NAV3: variants seen among roughly 807,000 people sequenced by gnomAD.
The protein encoded by NAV3 is neuron navigator 3.
Under a neutral mutation model 244.7 loss-of-function variants are expected in NAV3, and 87 were observed. The observed-to-expected ratio is 0.36, with a 90% confidence interval of 0.30 to 0.42. The LOEUF is 0.42. NAV3 is among the 20% of genes least tolerant of loss of function. The pLI, the probability that NAV3 is intolerant of heterozygous loss-of-function variation, is 1.00. For missense variants in NAV3, 2,663 were observed against 2,893.3 expected, an observed-to-expected ratio of 0.92 and a Z score of 1.83; for synonymous variants, 1,126 against 1,042.2, an observed-to-expected ratio of 1.08 and a Z score of -1.55.
At chr12:77,965,212 G>A (rs973629886) in intron 3 of NAV3, among the ~76,000 whole-genome samples, 5 of 152,138 alleles carry the variant, frequency 3.3e-5, no homozygotes, top group Admixed American at 6.5e-5. Flanking sequence ...ATGCTCTTAC[G>A]AATCTTAGCT....
chr12:78,051,209 T>C (rs2137267928), intron 11 of NAV3, 62 bp downstream of exon 11: 2 of 1,522,904 alleles, frequency 1.3e-6, no homozygotes, highest in Non-Finnish European at 1.8e-6. Context: ...CTATAATGCA[T>C]TCACTATAAA....
At chr12:78,202,679 T>C (rs1216974062) in intron 38 of NAV3, among the ~76,000 whole-genome samples, 3 of 151,992 alleles carry the variant, frequency 2.0e-5, no homozygotes, top group Non-Finnish European at 4.4e-5. Flanking sequence ...AGTAGGTTAG[T>C]GTGAAAGATG....
intron 2 of NAV3, among the ~76,000 whole-genome samples, chr12:77,583,163 T>A (rs1370222220): frequency 6.6e-6 from 1 of 152,348 alleles, no homozygotes; most frequent in East Asian, 1.9e-4. Flanking sequence ...CCAAACCACA[T>A]CAATAATTCT....
intron 8 of NAV3, among the ~76,000 whole-genome samples, chr12:78,011,430 AACATAC>A (rs1231437579): frequency 6.6e-6 from 1 of 152,192 alleles, no homozygotes; most frequent in Non-Finnish European, 1.5e-5. Context: ...AAGTGTATGC[AACATAC>A]ACAATTAATG....
chr12:78,039,599 C>G (rs1310564740), intron 9 of NAV3, among the ~76,000 whole-genome samples: 1 of 152,040 alleles, frequency 6.6e-6, no homozygotes. Context: ...GGGCATAATT[C>G]TCTGAGAATA....
chr12:77,661,169 T>C lies in NAV3; in HGVS notation c.72+88903T>C, dbSNP rs904973563. On this transcript the variant is annotated intron_variant, in intron 2 of 8. Transcript: ENST00000550042. The stretch of plus-strand genomic sequence containing the variant: ...TTTTGAATAACTGGAAAACTGTTTT[T>C]CATTGTGGACGTACCGTTTTACATT... Among the ~76,000 whole-genome samples, 3 of 152,196 alleles carry C rather than the reference T, an allele frequency of 2.0e-5. 1 individual carries two copies. The highest frequency in any genetic ancestry group is 2.0e-4 in the Admixed American group (3 of 15,274).
intron 1 of NAV3, among the ~76,000 whole-genome samples, chr12:77,871,102 G>C (rs1032652059): frequency 6.6e-6 from 1 of 152,060 alleles, no homozygotes; most frequent in African/African-American, 2.4e-5. Flanking sequence ...ATTTACAAGG[G>C]AACATGTCTG....
intron 2 of NAV3, among the ~76,000 whole-genome samples, chr12:77,688,358 CT>C (rs1874854749): frequency 6.6e-6 from 1 of 152,002 alleles, no homozygotes; most frequent in Non-Finnish European, 1.5e-5. Context: ...ACATTCTACC[CT>C]ATGCCACTTC....
rs1443669363 is a variant in NAV3, at chr12:77,628,853, CACTGCAGT to C, written c.72+56588_72+56595del. On this transcript the variant is annotated intron_variant, in intron 2 of 8. Transcript: ENST00000550042. ...CAGCAGTGAGCCATGATCTCATCAC[CACTGCAGT>C]CCACAGTCCAGCCTGGGCGATGGGA... Among the ~76,000 whole-genome samples, 136 of 150,270 alleles carry C rather than the reference CACTGCAGT, an allele frequency of 9.1e-4. 1 individual carries two copies. The highest frequency in any genetic ancestry group is 7.0e-3 in the Middle Eastern group (2 of 286).
At chr12:77,962,007 T>C (rs1196449779) in intron 3 of NAV3, among the ~76,000 whole-genome samples, 1 of 152,154 alleles carries the variant, frequency 6.6e-6, no homozygotes, top group African/African-American at 2.4e-5. Context: ...AGTCAACTCT[T>C]AGCTCTTGTC....
At chr12:77,854,403 A>G (rs1168133290) in intron 1 of NAV3, among the ~76,000 whole-genome samples, 1 of 152,214 alleles carries the variant, frequency 6.6e-6, no homozygotes, top group Non-Finnish European at 1.5e-5. Flanking sequence ...TTATTATCAA[A>G]CAAGTGTCCT....
chr12:78,149,080 A>C (rs538160536), intron 22 of NAV3, among the ~76,000 whole-genome samples, 161 bp downstream of exon 22: 1 of 152,264 alleles, frequency 6.6e-6, no homozygotes, highest in South Asian at 2.1e-4. Context: ...ACTCAGTAAT[A>C]AAATGTAAAT....
At chr12:78,060,793 T>A (rs1396791838) in intron 12 of NAV3, among the ~76,000 whole-genome samples, 2 of 152,168 alleles carry the variant, frequency 1.3e-5, no homozygotes, top group African/African-American at 4.8e-5. Context: ...ATTTTGAAAC[T>A]AATGACCTAT....
chr12:77,956,274 A>G (rs545913913), intron 3 of NAV3, among the ~76,000 whole-genome samples: 1 of 152,176 alleles, frequency 6.6e-6, no homozygotes, highest in African/African-American at 2.4e-5. Flanking sequence ...CTAGTATTAC[A>G]TGTTTAATGT....
chr12:77,993,145 T>C (rs1011150220), intron 5 of NAV3, among the ~76,000 whole-genome samples: 1 of 152,170 alleles, frequency 6.6e-6, no homozygotes, highest in Non-Finnish European at 1.5e-5. Context: ...TGCTAAGATT[T>C]ATATTATGGC....
chr12:77,895,955 TA>T (rs755975061), intron 1 of NAV3, among the ~76,000 whole-genome samples: 12,984 of 104,148 alleles, frequency 0.12, 608 homozygotes, highest in Middle Eastern at 0.16. Flanking sequence ...CAATTTCCAG[TA>T]AAAAAAAAAA....
intron 18 of NAV3, among the ~76,000 whole-genome samples, chr12:78,134,223 C>T (rs932404127): frequency 6.6e-6 from 1 of 152,148 alleles, no homozygotes; most frequent in African/African-American, 2.4e-5. Flanking sequence ...CTTCAATCTT[C>T]TCAGAATGAA....
At chr12:78,183,934 C>G (rs887874671) in intron 30 of NAV3, among the ~76,000 whole-genome samples, 2 of 151,818 alleles carry the variant, frequency 1.3e-5, no homozygotes, top group African/African-American at 4.8e-5. Context: ...TTACACATCT[C>G]AGGGTTTTGC....
At chr12:78,169,087 G>C (rs912798952) in intron 24 of NAV3, among the ~76,000 whole-genome samples, 9 of 151,620 alleles carry the variant, frequency 5.9e-5, no homozygotes, top group Non-Finnish European at 1.2e-4. Flanking sequence ...TCCATTATCA[G>C]ATAATTTTTA....
Sources: allele counts gnomAD v4.1 joint callset (sites outside exome capture counted in the v4.1 genomes callset), GRCh38; gene constraint gnomAD v4.1.1; transcripts MANE v1.5; gene names NCBI Gene and HGNC (gene_info 2026-07-23, HGNC 2026-07-21).